The following CCDC171 variants were observed in gnomAD, a reference collection of about 807,000 sequenced individuals.
CCDC171 encodes the protein coiled-coil domain containing 171.
CCDC171 carries 177 observed loss-of-function variants against 168.2 expected under a neutral mutation model. That is an observed-to-expected ratio of 1.05 (90% CI 0.93 to 1.19). The LOEUF (loss-of-function observed/expected upper bound fraction) is 1.19, where lower values mean the gene tolerates loss of function less well. CCDC171 is among the 50% of genes most tolerant of loss of function. CCDC171 has a pLI of 0.00. For missense variants in CCDC171, 1,991 were observed against 1,539.0 expected, an observed-to-expected ratio of 1.29 and a Z score of -4.91; for synonymous variants, 687 against 540.8, an observed-to-expected ratio of 1.27 and a Z score of -3.75.
chr9:16,005,192 A>G (rs1190134392), intron 3 of CCDC171, among the ~76,000 whole-genome samples: 2 of 152,164 alleles, frequency 1.3e-5, no homozygotes, highest in African/African-American at 4.8e-5. Flanking sequence ...GCAACCATTA[A>G]TCTACATTCT....
intron 9 of CCDC171, among the ~76,000 whole-genome samples, chr9:15,675,302 C>G (rs1271811929): frequency 6.7e-6 from 1 of 148,618 alleles, no homozygotes; most frequent in Non-Finnish European, 1.5e-5. Flanking sequence ...ATACAGCACA[C>G]TGATGGGTCT....
intron 25 of CCDC171, among the ~76,000 whole-genome samples, chr9:15,940,355 C>T (rs1412240078): frequency 6.6e-6 from 1 of 151,810 alleles, no homozygotes; most frequent in Non-Finnish European, 1.5e-5. Flanking sequence ...AAGGTCATTT[C>T]TCTTTTTCAA....
chr9:15,971,806 T>A lies in CCDC171; in HGVS notation c.3951T>A (p.Asn1317Lys). 1 of 1,613,670 alleles carries A rather than the reference T, an allele frequency of 6.2e-7. No individual in the cohort carries two copies. ...SHSSPVTMSA[N>K]ANRPTQIGL is the part of the protein sequence containing the mutation. ...CCTCTCCAGTGACTATGTCTGCTAATGCCAACAGACCAACTCAGATTGGAT... is the reference window on the plus strand; with the variant it reads ...CCTCTCCAGTGACTATGTCTGCTAAAGCCAACAGACCAACTCAGATTGGAT... Residue 1317 changes from asparagine to lysine, a missense_variant, in exon 26 of 26, where the codon AAT becomes AAA. Coordinates refer to ENST00000380701, the MANE Select transcript of CCDC171 (RefSeq NM_173550.4).
At chr9:16,054,997 G>A (rs971655564) in intron 1 of CCDC171, among the ~76,000 whole-genome samples, 2 of 152,222 alleles carry the variant, frequency 1.3e-5, no homozygotes, top group African/African-American at 4.8e-5. Flanking sequence ...GGCCAGTTGG[G>A]AAGCTGCTGC....
intron 21 of CCDC171, among the ~76,000 whole-genome samples, chr9:15,837,197 G>A (rs1179831376): frequency 2.6e-5 from 4 of 152,048 alleles, no homozygotes; most frequent in Non-Finnish European, 4.4e-5. Flanking sequence ...TATGTACTCA[G>A]TGTCCACCAC....
chr9:15,629,371 G>A (rs949411383), intron 7 of CCDC171, among the ~76,000 whole-genome samples: 33 of 152,300 alleles, frequency 2.2e-4, no homozygotes, highest in African/African-American at 7.5e-4. Context: ...CGAGAACTAC[G>A]TGAAGAATGC....
chr9:15,628,767 T>G (rs2045402558), intron 7 of CCDC171, among the ~76,000 whole-genome samples: 1 of 152,130 alleles, frequency 6.6e-6, no homozygotes, highest in South Asian at 2.1e-4. Context: ...GCAGCCTAAC[T>G]GGGAGGCACC....
chr9:16,105,374 C>T, the CCDC171 span, among the ~76,000 whole-genome samples: 6 of 152,130 alleles, frequency 3.9e-5, no homozygotes, highest in Non-Finnish European at 7.4e-5. Flanking sequence ...AGCACACACT[C>T]CCTGTCCACC....
At chr9:15,790,520 C>T (rs2058201083) in intron 21 of CCDC171, among the ~76,000 whole-genome samples, 1 of 152,120 alleles carries the variant, frequency 6.6e-6, no homozygotes, top group African/African-American at 2.4e-5. Context: ...GAGTAGATTG[C>T]AAAATTTTTC....
chr9:15,860,383 A>G (rs1012955269), intron 23 of CCDC171, among the ~76,000 whole-genome samples: 3 of 150,764 alleles, frequency 2.0e-5, no homozygotes, highest in African/African-American at 7.3e-5. Flanking sequence ...TCTTTTTTTT[A>G]ATGTAGGTGT....
chr9:15,883,482 C>A lies in CCDC171; in HGVS notation c.3600+8819C>A, dbSNP rs1328216568. On this transcript the variant is annotated intron_variant, in intron 24 of 25. Transcript: ENST00000380701. ...CTCCTTCTGATAGGTAGAAGGAGTT[C>A]TATAAAGTTTTCTTTTTAATACTAG... Among the ~76,000 whole-genome samples, 3 of 152,234 alleles carry A rather than the reference C, an allele frequency of 2.0e-5. No homozygotes were observed. The East Asian group carries it at 5.8e-4, about 29-fold the overall frequency.
intron 24 of CCDC171, among the ~76,000 whole-genome samples, chr9:15,911,524 T>G (rs1247914703): frequency 6.6e-6 from 1 of 152,216 alleles, no homozygotes; most frequent in Non-Finnish European, 1.5e-5. Context: ...ATAGTTTCTT[T>G]TGGTGTGCAG....
At chr9:15,721,931 T>A in intron 12 of CCDC171, 56 bp downstream of exon 12, 1 of 803,910 alleles carries the variant, frequency 1.2e-6, no homozygotes, top group Non-Finnish European at 1.8e-6. Context: ...TACCAGTACG[T>A]ATTCCTTGCT....
chr9:15,627,718 G>C (rs202321), intron 7 of CCDC171, among the ~76,000 whole-genome samples: 1 of 152,154 alleles, frequency 6.6e-6, no homozygotes, highest in Non-Finnish European at 1.5e-5. Flanking sequence ...TATATTTGCT[G>C]AGGAGTGCTT....
chr9:15,778,950 G>A lies in CCDC171; in HGVS notation c.2899-18G>A, dbSNP rs1313079114. 4 of 1,444,236 alleles carry A rather than the reference G, an allele frequency of 2.8e-6. No homozygotes were observed. The African/African-American group carries it at 5.8e-5, about 21-fold the overall frequency. The allele number at this position is 1,444,236 out of a possible 1,614,324, so 89.5% of individuals were successfully genotyped here. A position where few individuals can be genotyped will look rare whatever the true frequency, so the allele number is the denominator to read the frequency against. On this transcript the variant is annotated intron_variant, in intron 19 of 25. Transcript: ENST00000380701. ...ATCTGTAGTTACTGTTTATAAAATT[G>A]CTCTTGTTTAACAACAGAAAAGCAC...
chr9:15,670,228 G>A (rs1256656120), intron 9 of CCDC171, among the ~76,000 whole-genome samples: 1 of 152,030 alleles, frequency 6.6e-6, no homozygotes, highest in Non-Finnish European at 1.5e-5. Flanking sequence ...CCATTTCAGT[G>A]GACACAGTTT....
intron 10 of CCDC171, among the ~76,000 whole-genome samples, chr9:15,689,939 A>G (rs554983459): frequency 3.3e-5 from 5 of 152,328 alleles, no homozygotes; most frequent in Admixed American, 6.5e-5. Context: ...TGTTAAGTCA[A>G]TTCAGTGGGG....
At chr9:16,001,701 C>T (rs1832550144) in intron 3 of CCDC171, among the ~76,000 whole-genome samples, 1 of 152,038 alleles carries the variant, frequency 6.6e-6, no homozygotes, top group Non-Finnish European at 1.5e-5. Context: ...TAGTACAATG[C>T]AACTTGCATG....
the CCDC171 span, among the ~76,000 whole-genome samples, chr9:16,092,750 G>A: frequency 3.3e-5 from 5 of 152,166 alleles, no homozygotes; most frequent in Admixed American, 3.3e-4. Flanking sequence ...CTCACCTTTG[G>A]CAAGATTCAC....
Sources: gnomAD v4.1 joint callset for allele counts (sites outside exome capture counted in the v4.1 genomes callset) on GRCh38, gnomAD v4.1.1 for gene constraint, MANE v1.5 for transcripts, NCBI Gene and HGNC (gene_info 2026-07-23, HGNC 2026-07-21) for gene names.